Variants in NT5DC4 observed in about 807,000 individuals in gnomAD.
The protein encoded by NT5DC4 is 5'-nucleotidase domain containing 4.
Under a neutral mutation model 26.6 loss-of-function variants are expected in NT5DC4, and 44 were observed. The ratio of observed to expected loss-of-function variants is 1.65; its 90% CI spans 1.30 to 2.13. The LOEUF (loss-of-function observed/expected upper bound fraction) is 2.13. NT5DC4 is among the 30% of genes most tolerant of loss of function. The pLI is 0.00. For missense variants in NT5DC4, 399 were observed against 228.1 expected (o/e 1.75, Z -4.83); for synonymous variants, 157 against 86.7 (o/e 1.81, Z -4.51).
intron 5 of NT5DC4, 23 bp downstream of exon 5, chr2:112,722,612 G>T: frequency 1.4e-6 from 1 of 717,448 alleles, no homozygotes; most frequent in Non-Finnish European, 2.6e-6. Flanking sequence ...TTGGGGGCAC[G>T]GGAGGTGGTC....
upstream of NT5DC4, among the ~76,000 whole-genome samples, chr2:112,720,234 TC>T (rs36083032): frequency 0.91 from 130,135 of 143,436 alleles, 58,927 homozygotes; most frequent in Non-Finnish European, 0.99. Flanking sequence ...ATTTTTTTTT[TC>T]TTCGTATTTT....
upstream of NT5DC4, among the ~76,000 whole-genome samples, chr2:112,719,921 T>C (rs1182065860): frequency 4.9e-5 from 5 of 102,122 alleles, no homozygotes; most frequent in Admixed American, 2.1e-4. Flanking sequence ...TCTTTCTTTC[T>C]TTCTCTTTCT....
chr2:112,720,868 T>C (rs1366041443), upstream of NT5DC4, among the ~76,000 whole-genome samples: 3 of 152,196 alleles, frequency 2.0e-5, 1 homozygote, highest in Admixed American at 2.0e-4. Context: ...AGATCCTTGC[T>C]GCTTTTGCTC....
intron 14 of NT5DC4, 84 bp downstream of exon 14, chr2:112,726,373 G>A: frequency 1.4e-6 from 1 of 710,082 alleles, no homozygotes; most frequent in Non-Finnish European, 2.6e-6. Flanking sequence ...CTGGCGGCGA[G>A]GTCCCGGCCA....
upstream of NT5DC4, among the ~76,000 whole-genome samples, chr2:112,719,689 C>T (rs186810521): frequency 9.1e-4 from 138 of 151,880 alleles, 1 homozygote; most frequent in African/African-American, 2.7e-3. Context: ...TTTCACCGTG[C>T]TGGCCAGGCT....
rs752428666 is a variant in NT5DC4, at chr2:112,725,237, G to A, written c.979G>A (p.Gly327Arg). 1 of 711,000 alleles carries A rather than the reference G, an allele frequency of 1.4e-6. No homozygotes were observed. The highest frequency in any genetic ancestry group is 1.5e-5 in the South Asian group (1 of 67,476). The allele number at this position is 711,000 out of a possible 1,614,324, so 44.0% of individuals were successfully genotyped here. A position where few individuals can be genotyped will look rare whatever the true frequency, so the allele number is the denominator to read the frequency against. ...GPHQHCAVYS[G>R]GSSDMVCELL... ...CCACCAGCACTGTGCTGTCTACTCT[G>A]GAGGTACCAGCTCCCACCATGCCCC... is the stretch of plus-strand genomic sequence containing the variant. Residue 327 changes from glycine (G) to arginine (R), a missense_variant, in exon 12 of 17, where the codon GGA becomes AGA. Physicochemically the swap from Gly to Arg is moderately radical, Grantham distance 125. Transcript: ENST00000688554.
At chr2:112,721,303 A>T (rs556399193) in intron 1 of NT5DC4, among the ~76,000 whole-genome samples, 150 bp downstream of exon 1, 33 of 152,364 alleles carry the variant, frequency 2.2e-4, no homozygotes, top group African/African-American at 6.5e-4. Context: ...ACGCACTTCC[A>T]TAGCTGTAAC....
At chr2:112,733,588 C>T (rs1678730694) in intron 16 of NT5DC4, among the ~76,000 whole-genome samples, 2 of 152,224 alleles carry the variant, frequency 1.3e-5, no homozygotes, top group Non-Finnish European at 2.9e-5. Flanking sequence ...GGGTGGGAGC[C>T]TTCTTTGGCC....
chr2:112,720,511 C>T (rs1019102346), upstream of NT5DC4, among the ~76,000 whole-genome samples: 1 of 152,156 alleles, frequency 6.6e-6, no homozygotes, highest in Non-Finnish European at 1.5e-5. Context: ...CACTAAATGG[C>T]CCCAGTGGTT....
chr2:112,723,303 C>T, intron 7 of NT5DC4, 115 bp from the exon 8 acceptor site: 1 of 701,596 alleles, frequency 1.4e-6, no homozygotes, highest in African/African-American at 1.8e-5. Flanking sequence ...CTGGTCTGGG[C>T]TTCCCAGAGC....
intron 10 of NT5DC4, chr2:112,724,494 C>T (rs147640339): frequency 5.4e-5 from 31 of 568,814 alleles, no homozygotes; most frequent in African/African-American, 2.8e-4. Flanking sequence ...ACTAGGTAGC[C>T]GTGCTGGTGC....
intron 14 of NT5DC4, 115 bp from the exon 15 acceptor site, chr2:112,726,563 C>A: frequency 1.4e-6 from 1 of 702,070 alleles, no homozygotes; most frequent in Non-Finnish European, 2.7e-6. Flanking sequence ...CCGGCACCCC[C>A]ACTGGATGCC....
chr2:112,742,791 T>TA, downstream of NT5DC4: 1 of 1,570,544 alleles, frequency 6.4e-7, no homozygotes, highest in Non-Finnish European at 8.7e-7. Flanking sequence ...GAAGAAAACA[T>TA]ACAAAATCTT....
chr2:112,725,321 G>A (rs1438504746), intron 12 of NT5DC4, 61 bp from the exon 13 acceptor site: 13 of 689,766 alleles, frequency 1.9e-5, no homozygotes, highest in East Asian at 8.2e-5. Context: ...CACCTGCCCC[G>A]AGTCACCTAC....
intron 16 of NT5DC4, chr2:112,731,544 TGA>T (rs1346430729): frequency 6.6e-6 from 1 of 152,218 alleles, no homozygotes; most frequent in Non-Finnish European, 1.5e-5. Flanking sequence ...AGATGTTAAA[TGA>T]GATAGCCCAA....
chr2:112,725,450 A>T lies in NT5DC4; in HGVS notation c.1051A>T (p.Ile351Phe). The T allele has an allele frequency of 1.4e-6, 1 of 717,058 alleles. No homozygotes were observed. 44.4% of individuals were successfully genotyped at this position (717,058 alleles called of 1,614,324 possible). A position where few individuals can be genotyped will look rare whatever the true frequency, so the allele number is the denominator to read the frequency against. ...GGACATCCTGTACATTGGGGACCAC[A>T]TTTTTGGGGACATTCTCAAGTCCAA... is the stretch of plus-strand genomic sequence containing the variant. ...GMDILYIGDH[I>F]FGDILKSKKR... The change falls in exon 13 of 17, where the codon ATT becomes TTT. Residue 351 changes from isoleucine (I) to phenylalanine (F), a missense_variant. Transcript: ENST00000688554.
chr2:112,735,216 G>A (rs1462139961), intron 16 of NT5DC4, among the ~76,000 whole-genome samples: 2 of 151,496 alleles, frequency 1.3e-5, no homozygotes, highest in Non-Finnish European at 2.9e-5. Flanking sequence ...GATAACGCCT[G>A]TATTTTTAGT....
In NT5DC4 at chr2:112,725,291, G is replaced by A. The variant is rs116010880; in HGVS notation, c.982+51G>A. The A allele has an allele frequency of 1.0e-3, 701 of 694,138 alleles. 4 individuals carry two copies. The African/African-American group carries it at 0.011, about 11-fold the overall frequency. The allele number at this position is 694,138 out of a possible 1,614,324, so 43.0% of individuals were successfully genotyped here. A position where few individuals can be genotyped will look rare whatever the true frequency, so the allele number is the denominator to read the frequency against. ...ACTCCTTGGGCACCCTCCTTCCCTCGACTAGGAGCCCAGGCCCCTCACCTG... is the reference window on the plus strand; with the variant it reads ...ACTCCTTGGGCACCCTCCTTCCCTCAACTAGGAGCCCAGGCCCCTCACCTG... On this transcript the variant is annotated intron_variant, in intron 12 of 16. Transcript: ENST00000688554.
At chr2:112,719,954 C>CTT (rs1222302980), upstream of NT5DC4, among the ~76,000 whole-genome samples, 2 of 115,700 alleles carry the variant, frequency 1.7e-5, no homozygotes, top group East Asian at 4.6e-4. Flanking sequence ...TTCTTTCTTT[C>CTT]TTTCTTTCTT....
Sources: allele counts gnomAD v4.1 joint callset (sites outside exome capture counted in the v4.1 genomes callset), GRCh38; gene constraint gnomAD v4.1.1; transcripts MANE v1.5; gene names NCBI Gene and HGNC (gene_info 2026-07-23, HGNC 2026-07-21).